Variants in KIAA0319L observed in about 807,000 individuals in gnomAD.
KIAA0319L encodes dyslexia-associated protein KIAA0319-like protein.
KIAA0319L carries 55 observed loss-of-function variants against 120.1 expected under a neutral mutation model. That is an observed-to-expected ratio of 0.46 (90% CI 0.37 to 0.57). The LOEUF is 0.57. Ranked by LOEUF, KIAA0319L falls within the 20% of genes least tolerant of loss-of-function variation. The probability of loss-of-function intolerance (pLI) is 0.00; values close to 1 mark genes in which losing one functional copy is unlikely to be tolerated. For synonymous variants in KIAA0319L, 398 were observed against 471.9 expected, an observed-to-expected ratio of 0.84 and a Z score of 2.03; for missense variants, 1,049 against 1,255.3, an observed-to-expected ratio of 0.84 and a Z score of 2.48.
chr1:35,448,088 T>C, intron 16 of KIAA0319L, 85 bp downstream of exon 16: 1 of 1,322,302 alleles, frequency 7.6e-7, no homozygotes, highest in Non-Finnish European at 1.0e-6. Flanking sequence ...CCTTTCTCTA[T>C]CTAACCACAC....
chr1:35,526,736 A>C (rs1646163592), intron 2 of KIAA0319L, among the ~76,000 whole-genome samples: 1 of 152,028 alleles, frequency 6.6e-6, no homozygotes, highest in South Asian at 2.1e-4. Flanking sequence ...CTTTTTGTTC[A>C]AATTGCTTTG....
intron 12 of KIAA0319L, among the ~76,000 whole-genome samples, chr1:35,452,414 G>A (rs1221486861): frequency 6.6e-6 from 1 of 152,202 alleles, no homozygotes; most frequent in Non-Finnish European, 1.5e-5. Flanking sequence ...CAACATTCAG[G>A]CTGCACACAG....
chr1:35,527,522 A>G (rs2148459934), intron 2 of KIAA0319L, among the ~76,000 whole-genome samples: 1 of 152,332 alleles, frequency 6.6e-6, no homozygotes, highest in Admixed American at 6.5e-5. Context: ...CAGTAAAGCC[A>G]TCAGGTCCTA....
chr1:35,498,527 T>G lies in KIAA0319L; in HGVS notation c.666+8085A>C, dbSNP rs1170079206. On this transcript the variant is annotated intron_variant, in intron 3 of 20. Transcript: ENST00000325722. ...TGATGAAAGGTTTCAATTCATATTC[T>G]CTTTCTCCATCTCTCCAATTCTCTT... Among the ~76,000 whole-genome samples the G allele has an allele frequency of 3.9e-5, 6 of 152,320 alleles. No homozygotes were observed. In the East Asian group the frequency reaches 1.2e-3, roughly 29 times the overall value.
intron 2 of KIAA0319L, among the ~76,000 whole-genome samples, chr1:35,514,243 C>G (rs1243894405): frequency 6.6e-6 from 1 of 151,822 alleles, no homozygotes; most frequent in African/African-American, 2.4e-5. Context: ...AAAGTGCACA[C>G]ATAGTCGGGC....
intron 8 of KIAA0319L, among the ~76,000 whole-genome samples, chr1:35,462,394 GT>G (rs1558348469): frequency 6.6e-6 from 1 of 152,162 alleles, no homozygotes; most frequent in African/African-American, 2.4e-5. Context: ...CCATCTCAAA[GT>G]GGAAATATTA....
At position 35,485,929 on chromosome 1, in the gene KIAA0319L, C is replaced by T. The variant is rs374708227; in HGVS notation, c.667-6717G>A. Among the ~76,000 whole-genome samples, 58 of 152,316 alleles carry T rather than the reference C, an allele frequency of 3.8e-4. 4 individuals are homozygous for T. In the East Asian group the frequency reaches 0.011, roughly 29 times the overall value. ...TAGCTGAAATTACAGGCATGTGCCACTGCACTCTGGCTCCTTAAGATATTA... is the reference window on the plus strand; with the variant it reads ...TAGCTGAAATTACAGGCATGTGCCATTGCACTCTGGCTCCTTAAGATATTA... On this transcript the variant is annotated intron_variant, in intron 3 of 20. Coordinates refer to ENST00000325722, the MANE Select transcript of KIAA0319L (RefSeq NM_024874.5).
chr1:35,472,246 G>C (rs1211395039), intron 5 of KIAA0319L, among the ~76,000 whole-genome samples: 1 of 152,204 alleles, frequency 6.6e-6, no homozygotes, highest in Non-Finnish European at 1.5e-5. Context: ...AACTCTGTTA[G>C]AAAGAGTGCT....
intron 17 of KIAA0319L, chr1:35,443,250 T>C: frequency 1.9e-6 from 1 of 536,950 alleles, no homozygotes; most frequent in Non-Finnish European, 3.3e-6. Context: ...TGTCTTCACT[T>C]GTTGTTTGTC....
intron 2 of KIAA0319L, among the ~76,000 whole-genome samples, chr1:35,546,036 A>G (rs1373861481): frequency 6.6e-6 from 1 of 152,250 alleles, no homozygotes; most frequent in Non-Finnish European, 1.5e-5. Flanking sequence ...AGAGGTAGCC[A>G]TGAGACATCT....
intron 19 of KIAA0319L, among the ~76,000 whole-genome samples, chr1:35,441,392 A>G (rs1231464342): frequency 6.6e-6 from 1 of 152,218 alleles, no homozygotes; most frequent in East Asian, 1.9e-4. Flanking sequence ...AATGAAGGAC[A>G]GATTGGTTAA....
intron 7 of KIAA0319L, among the ~76,000 whole-genome samples, chr1:35,463,592 A>G (rs1009382207): frequency 1.9e-4 from 29 of 152,258 alleles, no homozygotes; most frequent in African/African-American, 6.3e-4. Flanking sequence ...TTTTCTTTGC[A>G]AAATGATCAA....
intron 2 of KIAA0319L, among the ~76,000 whole-genome samples, chr1:35,535,750 C>G (rs755414468): frequency 6.6e-5 from 10 of 152,174 alleles, no homozygotes; most frequent in Non-Finnish European, 1.0e-4. Context: ...ATGAAACCTT[C>G]ACCCCAAGAT....
rs1186334726 is a variant in KIAA0319L, at chr1:35,479,054, A to T, written c.825T>A (p.Ile275=). Residue 275 remains isoleucine (I), a synonymous_variant, in exon 4 of 21, where the codon ATT becomes ATA. Coordinates refer to ENST00000325722, the MANE Select transcript of KIAA0319L (RefSeq NM_024874.5). Reference sequence around the variant, plus strand: ...AGGGAGCCACTGGCTGGGGGACAGCAATCTGGGTTTTCTCAGAACTTTTTA... The same window carrying T: ...AGGGAGCCACTGGCTGGGGGACAGCTATCTGGGTTTTCTCAGAACTTTTTA... ...QQVKSSEKTQ[I]AVPQPVAPSY... 6.2e-7 allele frequency: 1 copy of T among 1,614,172 alleles called. No individual in the cohort carries two copies. Among genetic ancestry groups the T allele is most frequent in the Non-Finnish European group, 8.5e-7 (1 of 1,180,020 alleles).
chr1:35,508,387 A>G (rs1645288766), intron 2 of KIAA0319L, among the ~76,000 whole-genome samples: 1 of 152,228 alleles, frequency 6.6e-6, no homozygotes, highest in Admixed American at 6.5e-5. Flanking sequence ...CTCTAACGAA[A>G]GCAACTGACA....
At chr1:35,445,443 T>G (rs1316873143) in intron 16 of KIAA0319L, among the ~76,000 whole-genome samples, 1 of 152,206 alleles carries the variant, frequency 6.6e-6, no homozygotes, top group Non-Finnish European at 1.5e-5. Context: ...TTTATCTCCT[T>G]TCCCCACATC....
chr1:35,467,624 C>T (rs1208168607), intron 6 of KIAA0319L, among the ~76,000 whole-genome samples: 1 of 152,034 alleles, frequency 6.6e-6, no homozygotes, highest in Non-Finnish European at 1.5e-5. Flanking sequence ...AGGTATCAAA[C>T]TTTCTATTGT....
chr1:35,539,147 C>T (rs954908292), intron 2 of KIAA0319L, among the ~76,000 whole-genome samples: 2 of 152,190 alleles, frequency 1.3e-5, no homozygotes, highest in Admixed American at 1.3e-4. Context: ...GGCCTTTACT[C>T]TCCACCACTT....
At position 35,453,718 on chromosome 1, in the gene KIAA0319L, G is replaced by A. The variant is rs757709659; in HGVS notation, c.1781-29C>T. 2.5e-6 allele frequency: 4 copies of A among 1,604,752 alleles called. No homozygotes were observed. In the African/African-American group the frequency reaches 5.4e-5, roughly 22 times the overall value. On this transcript the variant is annotated intron_variant, in intron 11 of 20. Coordinates refer to ENST00000325722, the MANE Select transcript of KIAA0319L (RefSeq NM_024874.5). This position sits in a 1 kb window ranked among gnomAD's most constrained non-coding sequence, Gnocchi z 4.1. The stretch of plus-strand genomic sequence containing the variant: ...GAAGACAAAGAGTTAGAGGTCAAAA[G>A]CAGCCAGTCCAGGTGGGAAAGGAGA...
Sources: allele counts gnomAD v4.1 joint callset (sites outside exome capture counted in the v4.1 genomes callset), GRCh38; gene constraint gnomAD v4.1.1; non-coding constraint Gnocchi (gnomAD v3.1); transcripts MANE v1.5; gene names NCBI Gene and HGNC (gene_info 2026-07-23, HGNC 2026-07-21).